The following TRPC4AP variants were observed in gnomAD, a reference collection of about 807,000 sequenced individuals.
TRPC4AP encodes short transient receptor potential channel 4-associated protein.
In TRPC4AP, 45 loss-of-function variants were observed where a neutral mutation model predicts 99.0. The observed-to-expected ratio is 0.45, with a 90% CI of 0.36 to 0.58. The LOEUF is 0.58. Among genes scored for constraint, TRPC4AP ranks in the 20% least tolerant of loss-of-function variants. The probability of loss-of-function intolerance (pLI) is 0.00; values close to 1 mark genes in which losing one functional copy is unlikely to be tolerated. For missense variants in TRPC4AP, 879 were observed against 985.3 expected, an observed-to-expected ratio of 0.89 and a Z score of 1.44; for synonymous variants, 408 against 385.8, an observed-to-expected ratio of 1.06 and a Z score of -0.67.
chr20:35,003,262 A>G lies in TRPC4AP; in HGVS notation c.2278T>C (p.Tyr760His). Residue 760 changes from tyrosine (Y) to histidine (H), a missense_variant, in exon 19 of 19, where the codon TAC becomes CAC. This residue lies in a region of TRPC4AP where 224 missense variants were observed against 264.7 expected (regional missense o/e 0.85). Transcript: ENST00000252015. ...AGGATGGACACTGTCTCCTTCCAGT[A>G]TGAGAAGCTGATGCAGGAGCTCTGG... is the stretch of plus-strand genomic sequence containing the variant. ...LENSSCISFS[Y>H]WKETVSILLN... 1 of 1,614,146 alleles carries G rather than the reference A, an allele frequency of 6.2e-7. No homozygotes were observed. Among genetic ancestry groups the G allele is most frequent in the Non-Finnish European group, 8.5e-7 (1 of 1,180,010 alleles).
Position 35,086,569 on chromosome 20 carries a change from G to C in TRPC4AP, c.168+6045C>G, listed in dbSNP as rs28416097. Among the ~76,000 whole-genome samples, 7 of 108,224 alleles carry C rather than the reference G, an allele frequency of 6.5e-5. 2 individuals carry two copies. Among genetic ancestry groups the C allele is most frequent in the African/African-American group, 2.6e-4 (7 of 26,620 alleles). The allele number at this position is 108,224 out of a possible 152,430, so 71.0% of individuals were successfully genotyped here. A position where few individuals can be genotyped will look rare whatever the true frequency, so the allele number is the denominator to read the frequency against. On this transcript the variant is annotated intron_variant, in intron 1 of 18. Coordinates refer to ENST00000252015, the MANE Select transcript of TRPC4AP (RefSeq NM_015638.3). ...TGTGTGTGTGTGTGTGTGTGTGTGT[G>C]TGTGTGTATATATATATGAATAAGA...
chr20:35,007,648 C>A lies in TRPC4AP; in HGVS notation c.1596-8G>T. On this transcript the variant is annotated splice_region_variant and splice_polypyrimidine_tract_variant and intron_variant, in intron 13 of 18. Coordinates refer to ENST00000252015, the MANE Select transcript of TRPC4AP (RefSeq NM_015638.3). ...GCCCGAGCTTGCCAAAACCTGCGAC[C>A]CAAATACTGGCTCAGGTGGCTAAGG... 1.2e-6 allele frequency: 2 copies of A among 1,614,174 alleles called. No individual in the cohort carries two copies. The highest frequency in any genetic ancestry group is 1.7e-6 in the Non-Finnish European group (2 of 1,180,010).
At position 35,044,463 on chromosome 20, in the gene TRPC4AP, C is replaced by CA. The variant is rs563803062; in HGVS notation, c.865+41dup. 4.8e-4 allele frequency: 747 copies of CA among 1,560,544 alleles called. 3 individuals carry two copies. The African/African-American group carries it at 9.2e-3, about 19-fold the overall frequency. ...AAACTAGATGATTTAGTAAGGGCCTCAGAGCTATAATCTCAAAATTCTGAG... is the reference window on the plus strand; with the variant it reads ...AAACTAGATGATTTAGTAAGGGCCTCAAGAGCTATAATCTCAAAATTCTGAG... On this transcript the variant is annotated intron_variant, in intron 7 of 18. Transcript: ENST00000252015.
chr20:35,019,944 C>A (rs1184007587), intron 9 of TRPC4AP, among the ~76,000 whole-genome samples: 1 of 152,144 alleles, frequency 6.6e-6, no homozygotes, highest in Admixed American at 6.5e-5. Context: ...GTACAAAACA[C>A]AACTCCCCAT....
chr20:35,078,253 T>G, intron 1 of TRPC4AP, 79 bp from the exon 2 acceptor site: 1 of 1,482,584 alleles, frequency 6.7e-7, no homozygotes, highest in Non-Finnish European at 9.2e-7. Flanking sequence ...AGCAGCCGAC[T>G]TCCAAACCCA....
intron 11 of TRPC4AP, 30 bp from the exon 12 acceptor site, chr20:35,010,318 G>C (rs1202704490): frequency 1.3e-6 from 2 of 1,594,356 alleles, no homozygotes; most frequent in Admixed American, 1.7e-5. Flanking sequence ...AGGAGGTAAA[G>C]GACAGGAACT....
chr20:35,014,316 T>TTTTA (rs1465680891), intron 10 of TRPC4AP, among the ~76,000 whole-genome samples: 1 of 139,788 alleles, frequency 7.2e-6, no homozygotes, highest in Middle Eastern at 3.2e-3. Context: ...CAGGCAGAAT[T>TTTTA]TTTTTTTTTT....
Position 35,011,949 on chromosome 20 carries a change from T to A in TRPC4AP, c.1409+1059A>T, listed in dbSNP as rs147938383. 2.0e-5 allele frequency among the ~76,000 whole-genome samples: 3 copies of A among 152,334 alleles called. No homozygotes were observed. The East Asian group carries it at 5.8e-4, about 29-fold the overall frequency. ...TTATCACTAATGCTCAACGGTGGAA[T>A]CCTTGGATGAACAACTGTCTCTGTT... On this transcript the variant is annotated intron_variant, in intron 11 of 18. Coordinates refer to ENST00000252015, the MANE Select transcript of TRPC4AP (RefSeq NM_015638.3).
chr20:35,014,179 C>T (rs776430220), intron 10 of TRPC4AP, among the ~76,000 whole-genome samples: 1 of 152,114 alleles, frequency 6.6e-6, no homozygotes, highest in Admixed American at 6.5e-5. Flanking sequence ...ATGAAAATTA[C>T]AATAGGATAA....
chr20:35,015,190 G>A (rs1322730193), intron 10 of TRPC4AP, among the ~76,000 whole-genome samples: 3 of 152,000 alleles, frequency 2.0e-5, no homozygotes, highest in African/African-American at 2.4e-5. Context: ...TAGTAGAGAC[G>A]GGGTTTCACC....
chr20:35,044,843 A>T, intron 6 of TRPC4AP, 131 bp from the exon 7 acceptor site: 1 of 801,068 alleles, frequency 1.2e-6, no homozygotes, highest in Admixed American at 2.7e-5. Flanking sequence ...CAGCTCTGTA[A>T]CTTGCAGCTC....
intron 2 of TRPC4AP, among the ~76,000 whole-genome samples, chr20:35,071,034 T>A (rs766576217): frequency 6.6e-6 from 1 of 151,908 alleles, no homozygotes; most frequent in Non-Finnish European, 1.5e-5. Flanking sequence ...AAGCAAATAA[T>A]GTGCAACTCT....
Position 35,016,037 on chromosome 20 carries a change from C to T in TRPC4AP, c.1321G>A (p.Gly441Ser). The change falls in exon 10 of 19, where the codon GGT (glycine) becomes AGT (serine). Residue 441 changes from glycine to serine, a missense_variant. Around this residue, in one of 3 missense-constraint regions of TRPC4AP, gnomAD observed 603 missense variants for 631.8 expected, o/e 0.95. Transcript: ENST00000252015. ...CTACAGTCACAGTTCTGGTTGTGAC[C>T]ATGGAGGACAAGGGCAGATGCTGAA... ...KHSASALVLHGHNQNCDCSPD... is the reference protein window; with the variant it reads ...KHSASALVLHSHNQNCDCSPD... 1.9e-6 allele frequency: 3 copies of T among 1,614,176 alleles called. No individual in the cohort carries two copies. Among genetic ancestry groups the T allele is most frequent in the Non-Finnish European group, 2.5e-6 (3 of 1,180,038 alleles).
intron 1 of TRPC4AP, among the ~76,000 whole-genome samples, chr20:35,086,342 G>C (rs1443487723): frequency 1.3e-5 from 2 of 151,774 alleles, no homozygotes; most frequent in African/African-American, 4.8e-5. Context: ...GAATACTTTT[G>C]TGTCCTTTAA....
chr20:35,063,430 A>G (rs550836768), intron 3 of TRPC4AP, among the ~76,000 whole-genome samples: 3 of 152,268 alleles, frequency 2.0e-5, no homozygotes, highest in Admixed American at 2.0e-4. Context: ...AGAGCTGGGG[A>G]GAAGGGGAGA....
intron 5 of TRPC4AP, 22 bp downstream of exon 5, chr20:35,054,954 C>T: frequency 1.9e-6 from 3 of 1,606,052 alleles, no homozygotes; most frequent in Non-Finnish European, 1.7e-6. Context: ...ATAAACAGAG[C>T]CCCAGTGGCA....
In TRPC4AP at chr20:35,034,151, CAAAAAAAAAAAAAA is replaced by C. The variant is rs59579695; in HGVS notation, c.1051+958_1051+971del. Reference sequence around the variant, plus strand: ...TGGGCGACAGAGCGAGACTCCGTCTCAAAAAAAAAAAAAAAAAAAAAAAAAAAGAGTAAAAAAAA... The same window carrying C: ...TGGGCGACAGAGCGAGACTCCGTCTCAAAAAAAAAAAAAGAGTAAAAAAAA... On this transcript the variant is annotated intron_variant, in intron 8 of 18. Transcript: ENST00000252015. Among the ~76,000 whole-genome samples the C allele has an allele frequency of 4.8e-4, 3 of 6,232 alleles. 1 individual carries two copies. The highest frequency in any genetic ancestry group is 9.8e-4 in the Non-Finnish European group (3 of 3,060). 4.1% of individuals were successfully genotyped at this position (6,232 alleles called of 152,430 possible). A position where few individuals can be genotyped will look rare whatever the true frequency, so the allele number is the denominator to read the frequency against.
At chr20:35,031,077 T>C (rs1432601906) in intron 8 of TRPC4AP, among the ~76,000 whole-genome samples, 1 of 152,208 alleles carries the variant, frequency 6.6e-6, no homozygotes, top group Non-Finnish European at 1.5e-5. Flanking sequence ...AGATTCTTGG[T>C]TGACTGTTTT....
chr20:35,006,214 C>T (rs1251010981), intron 15 of TRPC4AP, among the ~76,000 whole-genome samples: 1 of 152,132 alleles, frequency 6.6e-6, no homozygotes, highest in East Asian at 1.9e-4. Flanking sequence ...CCATTCCCAC[C>T]CTCACTCCCT....
Sources: allele counts gnomAD v4.1 joint callset (sites outside exome capture counted in the v4.1 genomes callset), GRCh38; gene constraint gnomAD v4.1.1; regional missense constraint gnomAD v4.1.1; transcripts MANE v1.5; gene names NCBI Gene and HGNC (gene_info 2026-07-23, HGNC 2026-07-21).